Variants in EGLN1 observed in about 807,000 individuals in gnomAD.
The protein encoded by EGLN1 is egl-9 family hypoxia inducible factor 1.
EGLN1 carries 17 observed loss-of-function variants against 38.3 expected under a neutral mutation model. The observed-to-expected ratio is 0.44, with a 90% confidence interval of 0.30 to 0.67. The LOEUF (loss-of-function observed/expected upper bound fraction) is 0.67, where lower values mean the gene tolerates loss of function less well. Ranked by LOEUF, EGLN1 falls within the 30% of genes least tolerant of loss-of-function variation. The pLI is 0.08. For missense variants in EGLN1, 477 were observed against 603.3 expected, an observed-to-expected ratio of 0.79 and a Z score of 2.19; for synonymous variants, 283 against 257.5, an observed-to-expected ratio of 1.10 and a Z score of -0.95.
chr1:231,374,172 C>T, intron 1 of EGLN1, 73 bp from the exon 2 acceptor site: 4 of 1,422,080 alleles, frequency 2.8e-6, no homozygotes, highest in Non-Finnish European at 3.9e-6. Context: ...TAAATCAGAT[C>T]TCTGATTTTT....
At chr1:231,414,100 G>A (rs1212897272) in intron 1 of EGLN1, among the ~76,000 whole-genome samples, 1 of 152,040 alleles carries the variant, frequency 6.6e-6, no homozygotes, top group Non-Finnish European at 1.5e-5. Flanking sequence ...TGAAATAAAA[G>A]GCAAAGACAA....
chr1:231,380,575 T>C (rs1422223756), intron 1 of EGLN1, among the ~76,000 whole-genome samples: 1 of 152,194 alleles, frequency 6.6e-6, no homozygotes, highest in African/African-American at 2.4e-5. Context: ...TTAATCTTTG[T>C]AAATCCTTGA....
intron 1 of EGLN1, among the ~76,000 whole-genome samples, chr1:231,413,267 G>A (rs904867253): frequency 1.7e-4 from 26 of 151,988 alleles, no homozygotes; most frequent in African/African-American, 5.8e-4. Flanking sequence ...GTAGAGGTGA[G>A]GTTTCACCAT....
intron 1 of EGLN1, among the ~76,000 whole-genome samples, chr1:231,386,111 C>A (rs1025046023): frequency 2.7e-5 from 3 of 112,862 alleles, no homozygotes; most frequent in Non-Finnish European, 6.5e-5. Flanking sequence ...CCACCATGCC[C>A]GGCTGGTTTT....
At chr1:231,370,456 AG>A (rs772771344) in intron 3 of EGLN1, 105 bp downstream of exon 3, 192 of 1,200,650 alleles carry the variant, frequency 1.6e-4, no homozygotes, top group Non-Finnish European at 2.3e-5. Flanking sequence ...GACTGTGAAA[AG>A]TACCTGGCAG....
intron 1 of EGLN1, among the ~76,000 whole-genome samples, chr1:231,384,857 G>A (rs1385387381): frequency 6.6e-6 from 1 of 152,190 alleles, no homozygotes; most frequent in Non-Finnish European, 1.5e-5. Flanking sequence ...CCCAACTCCG[G>A]TCTAGCAGCT....
intron 1 of EGLN1, among the ~76,000 whole-genome samples, chr1:231,376,184 T>A (rs570088172): frequency 6.6e-6 from 1 of 152,332 alleles, no homozygotes; most frequent in East Asian, 1.9e-4. Flanking sequence ...TTGGTCAACT[T>A]AGTCCAAAAA....
At chr1:231,408,835 A>G (rs952055871) in intron 1 of EGLN1, among the ~76,000 whole-genome samples, 4 of 152,150 alleles carry the variant, frequency 2.6e-5, no homozygotes, top group Non-Finnish European at 2.9e-5. Flanking sequence ...GAAGCAAGTT[A>G]GAGGACCTTC....
chr1:231,398,771 T>A (rs1332912617), intron 1 of EGLN1, among the ~76,000 whole-genome samples: 2 of 151,852 alleles, frequency 1.3e-5, no homozygotes, highest in Non-Finnish European at 1.5e-5. Context: ...ACACACACGA[T>A]AAAGTGAGGG....
At chr1:231,420,221 GTTGTTTTGTT>G (rs752409151) in intron 1 of EGLN1, 2 of 152,180 alleles carry the variant, frequency 1.3e-5, no homozygotes, top group African/African-American at 4.8e-5. Context: ...ATTCCGTGTT[GTTGTTTTGTT>G]TTGTTTTGTT....
chr1:231,394,448 G>A (rs1688468489), intron 1 of EGLN1, among the ~76,000 whole-genome samples: 2 of 147,284 alleles, frequency 1.4e-5, no homozygotes, highest in Non-Finnish European at 1.5e-5. Context: ...GCGCAATCTC[G>A]GCTCACTGCA....
At chr1:231,373,943 T>C (rs1687892671) in intron 2 of EGLN1, 37 bp downstream of exon 2, 1 of 1,611,312 alleles carries the variant, frequency 6.2e-7, no homozygotes, top group East Asian at 2.2e-5. Context: ...AAAAGACACC[T>C]GTAAGAAAAA....
rs371155853 is a variant in EGLN1, at chr1:231,366,484, T to TAA, written c.1217-11_1217-10dup. The TAA allele has an allele frequency of 1.1e-4, 131 of 1,219,460 alleles. No individual in the cohort carries two copies. The highest frequency in any genetic ancestry group is 3.7e-4 in the Admixed American group (18 of 48,874). 75.5% of individuals were successfully genotyped at this position (1,219,460 alleles called of 1,614,324 possible). A position where few individuals can be genotyped will look rare whatever the true frequency, so the allele number is the denominator to read the frequency against. Reference sequence around the variant, plus strand: ...CCTCACACCTTTTTCACCTGCAAGGTAAAAAAAAAAAAAATTTTCATTCAT... The same window carrying TAA: ...CCTCACACCTTTTTCACCTGCAAGGTAAAAAAAAAAAAAAAATTTTCATTCAT... On this transcript the variant is annotated splice_polypyrimidine_tract_variant and intron_variant, in intron 4 of 4. Coordinates refer to ENST00000366641, the MANE Select transcript of EGLN1 (RefSeq NM_022051.3).
chr1:231,399,104 T>A (rs888510517), intron 1 of EGLN1, among the ~76,000 whole-genome samples: 4 of 152,038 alleles, frequency 2.6e-5, no homozygotes, highest in Admixed American at 2.6e-4. Context: ...ACTAGAGAAA[T>A]AGAGTTAGGC....
At chr1:231,369,675 G>C in intron 3 of EGLN1, 1 of 838,682 alleles carries the variant, frequency 1.2e-6, no homozygotes, top group Non-Finnish European at 1.4e-6. Flanking sequence ...CAAGTCGTTA[G>C]AGTCAACCAT....
chr1:231,414,975 C>A (rs1689039445), intron 1 of EGLN1, among the ~76,000 whole-genome samples: 1 of 151,994 alleles, frequency 6.6e-6, no homozygotes, highest in Non-Finnish European at 1.5e-5. Context: ...TCAAGCAAAT[C>A]CGCCCACCCT....
chr1:231,405,238 T>A (rs941892489), intron 1 of EGLN1, among the ~76,000 whole-genome samples: 1 of 152,170 alleles, frequency 6.6e-6, no homozygotes, highest in South Asian at 2.1e-4. Context: ...GGTGGCGCTA[T>A]CTGGCCTCAC....
Position 231,366,046 on chromosome 1 carries a change from A to C in EGLN1, c.*365T>G. ...GTACCTAATATAGAAAAATTATCCC[A>C]AATTCAAACTTGATATAAAAAAGGG... On this transcript the variant is annotated 3_prime_UTR_variant, in exon 5 of 5. Coordinates refer to ENST00000366641, the MANE Select transcript of EGLN1 (RefSeq NM_022051.3). 4.1e-6 allele frequency: 1 copy of C among 246,216 alleles called. No homozygotes were observed. The highest frequency in any genetic ancestry group is 7.9e-6 in the Non-Finnish European group (1 of 126,298). The allele number at this position is 246,216 out of a possible 1,614,324, so 15.3% of individuals were successfully genotyped here. A position where few individuals can be genotyped will look rare whatever the true frequency, so the allele number is the denominator to read the frequency against.
At chr1:231,375,159 G>GA (rs1165457198) in intron 1 of EGLN1, among the ~76,000 whole-genome samples, 2 of 152,124 alleles carry the variant, frequency 1.3e-5, no homozygotes, top group Non-Finnish European at 2.9e-5. Flanking sequence ...AGGTTCAAGC[G>GA]ATTCTCCTGC....
Sources: allele counts gnomAD v4.1 joint callset (sites outside exome capture counted in the v4.1 genomes callset), GRCh38; gene constraint gnomAD v4.1.1; transcripts MANE v1.5; gene names NCBI Gene and HGNC (gene_info 2026-07-23, HGNC 2026-07-21).